EPB41L2: variants seen among roughly 807,000 people sequenced by gnomAD.
EPB41L2 encodes erythrocyte membrane protein band 4.1 like 2.
Under a neutral mutation model 113.0 loss-of-function variants are expected in EPB41L2, and 43 were observed. That is an observed-to-expected ratio of 0.38 (90% CI 0.30 to 0.49). The LOEUF (loss-of-function observed/expected upper bound fraction) is 0.49. Among genes scored for constraint, EPB41L2 ranks in the 20% least tolerant of loss-of-function variants. The pLI is 0.95. For synonymous variants in EPB41L2, 442 were observed against 436.7 expected (o/e 1.01, Z -0.15); for missense variants, 1,147 against 1,223.4 (o/e 0.94, Z 0.93).
intron 15 of EPB41L2, chr6:130,868,951 G>C (rs1562340858): frequency 6.6e-6 from 1 of 152,374 alleles, no homozygotes; most frequent in Non-Finnish European, 1.5e-5. Flanking sequence ...AGAAAAGAAA[G>C]GCTCTTAACA....
At chr6:130,867,730 CAAAAG>C in intron 15 of EPB41L2, 149 bp from the exon 16 acceptor site, 1 of 1,076,406 alleles carries the variant, frequency 9.3e-7, no homozygotes, top group Non-Finnish European at 1.3e-6. Context: ...CTAAAACAAA[CAAAAG>C]AAATAAAAGA....
At chr6:131,053,054 G>A (rs1339108251) in intron 1 of EPB41L2, among the ~76,000 whole-genome samples, 6 of 151,812 alleles carry the variant, frequency 4.0e-5, no homozygotes, top group Admixed American at 6.6e-5. Flanking sequence ...GCACCACCAC[G>A]CCTGGCTAAT....
chr6:130,916,927 A>G (rs765798335), intron 4 of EPB41L2, among the ~76,000 whole-genome samples: 1 of 152,150 alleles, frequency 6.6e-6, no homozygotes, highest in Non-Finnish European at 1.5e-5. Flanking sequence ...GACATTTTTC[A>G]AGTCCTACTG....
intron 1 of EPB41L2, among the ~76,000 whole-genome samples, chr6:131,021,855 G>C (rs1056900321): frequency 2.0e-5 from 3 of 152,292 alleles, no homozygotes; most frequent in Non-Finnish European, 4.4e-5. Context: ...AGCTCCAGTA[G>C]TGCTCATAAT....
intron 17 of EPB41L2, among the ~76,000 whole-genome samples, chr6:130,863,921 C>G (rs951773411): frequency 2.0e-5 from 3 of 152,204 alleles, no homozygotes; most frequent in African/African-American, 7.2e-5. Flanking sequence ...AAAGTTATAG[C>G]ATCCACAAGT....
chr6:130,947,971 A>G (rs1376870578), intron 3 of EPB41L2, among the ~76,000 whole-genome samples: 1 of 152,226 alleles, frequency 6.6e-6, no homozygotes, highest in Non-Finnish European at 1.5e-5. Context: ...CTGCTGGTAC[A>G]TAAGATCTGC....
At chr6:130,951,465 T>C (rs1337394041) in intron 3 of EPB41L2, among the ~76,000 whole-genome samples, 1 of 151,256 alleles carries the variant, frequency 6.6e-6, no homozygotes, top group East Asian at 2.0e-4. Context: ...GCTGGGATTA[T>C]AGGCACTCAC....
intron 19 of EPB41L2, among the ~76,000 whole-genome samples, chr6:130,845,223 G>A (rs780171609): frequency 5.3e-5 from 8 of 152,198 alleles, no homozygotes; most frequent in Non-Finnish European, 1.2e-4. Context: ...GGACCATAGA[G>A]TCAAAACTGT....
chr6:130,873,226 G>T (rs914160245), intron 14 of EPB41L2, among the ~76,000 whole-genome samples: 4 of 152,048 alleles, frequency 2.6e-5, no homozygotes, highest in Non-Finnish European at 4.4e-5. Context: ...ATTCAAAATA[G>T]GAAGACAAAC....
At chr6:130,932,714 T>C (rs570305415) in intron 3 of EPB41L2, among the ~76,000 whole-genome samples, 1 of 152,356 alleles carries the variant, frequency 6.6e-6, no homozygotes, top group Non-Finnish European at 1.5e-5. Context: ...ACTTATTACT[T>C]TCAGATACTG....
rs771010106 is a variant in EPB41L2 at position 130,870,020 on chromosome 6, C to G, written c.2150G>C (p.Gly717Ala). The change falls in exon 15 of 20, where the codon GGG (glycine) becomes GCG (alanine). Residue 717 changes from glycine to alanine, a missense_variant. Coordinates refer to ENST00000337057, the MANE Select transcript of EPB41L2 (RefSeq NM_001431.4). ...EEMNGKEISP[G>A]SGPGEIRKVE... is the part of the protein sequence containing the mutation. Reference sequence around the variant, plus strand: ...CTTACGAATCTCCCCAGGACCACTCCCAGGTGATATCTCTTTACCATTCAT... The same window carrying G: ...CTTACGAATCTCCCCAGGACCACTCGCAGGTGATATCTCTTTACCATTCAT... 6.2e-7 allele frequency: 1 copy of G among 1,613,980 alleles called. No individual in the cohort carries two copies. The highest frequency in any genetic ancestry group is 2.2e-5 in the East Asian group (1 of 44,870).
At chr6:130,863,253 C>G (rs1330366709) in intron 18 of EPB41L2, among the ~76,000 whole-genome samples, 1 of 152,182 alleles carries the variant, frequency 6.6e-6, no homozygotes, top group Non-Finnish European at 1.5e-5. Context: ...TGAAAAGTTC[C>G]TAAAAGTAGG....
chr6:130,946,558 T>C (rs1020910102), intron 3 of EPB41L2, among the ~76,000 whole-genome samples: 1 of 152,042 alleles, frequency 6.6e-6, no homozygotes, highest in African/African-American at 2.4e-5. Flanking sequence ...TCCTGAAGTT[T>C]AGGAGATAAA....
intron 3 of EPB41L2, among the ~76,000 whole-genome samples, chr6:130,927,733 T>A (rs896380192): frequency 1.9e-4 from 29 of 152,188 alleles, no homozygotes; most frequent in African/African-American, 6.5e-4. Flanking sequence ...CTGAAAAGAA[T>A]AGAATTGCAT....
intron 1 of EPB41L2, among the ~76,000 whole-genome samples, chr6:131,028,598 C>G (rs1232014191): frequency 2.6e-5 from 4 of 152,098 alleles, no homozygotes; most frequent in Non-Finnish European, 4.4e-5. Flanking sequence ...AGCCCTCAAA[C>G]AACACAAGAT....
intron 3 of EPB41L2, among the ~76,000 whole-genome samples, chr6:130,929,882 CACACACACACACACAT>C (rs932496108): frequency 2.0e-5 from 3 of 148,070 alleles, no homozygotes; most frequent in Non-Finnish European, 4.5e-5. Flanking sequence ...CACACACACA[CACACACACACACACAT>C]ACACGCACAG....
intron 3 of EPB41L2, among the ~76,000 whole-genome samples, chr6:130,945,737 CCCCAAGATA>C (rs1812582461): frequency 6.6e-6 from 1 of 152,100 alleles, no homozygotes; most frequent in Non-Finnish European, 1.5e-5. Context: ...GAAGTGACTC[CCCCAAGATA>C]CCCAAAGAGT....
intron 1 of EPB41L2, among the ~76,000 whole-genome samples, chr6:130,980,717 A>T (rs1442629234): frequency 3.3e-5 from 5 of 152,208 alleles, no homozygotes; most frequent in African/African-American, 1.2e-4. Context: ...AAACTCTGAA[A>T]CGGGGCAGTT....
At chr6:130,927,589 C>T (rs1805198179) in intron 3 of EPB41L2, among the ~76,000 whole-genome samples, 1 of 152,162 alleles carries the variant, frequency 6.6e-6, no homozygotes, top group Non-Finnish European at 1.5e-5. Context: ...CTTTTCCATC[C>T]TCAAAACGAA....
Sources: gnomAD v4.1 joint callset for allele counts (sites outside exome capture counted in the v4.1 genomes callset) on GRCh38, gnomAD v4.1.1 for gene constraint, MANE v1.5 for transcripts, NCBI Gene and HGNC (gene_info 2026-07-23, HGNC 2026-07-21) for gene names.